Variants in CLNK observed in about 807,000 individuals in gnomAD.
CLNK encodes the protein cytokine dependent hematopoietic cell linker.
Under a neutral mutation model 68.6 loss-of-function variants are expected in CLNK, and 74 were observed. The ratio of observed to expected loss-of-function variants is 1.08; its 90% CI spans 0.89 to 1.31. The LOEUF is 1.31. CLNK is among the 50% of genes most tolerant of loss of function. CLNK has a pLI of 0.00. For synonymous variants in CLNK, 198 were observed against 172.2 expected, an observed-to-expected ratio of 1.15 and a Z score of -1.17; for missense variants, 553 against 515.3, an observed-to-expected ratio of 1.07 and a Z score of -0.71.
At chr4:10,626,430 C>A (rs1325030383) in intron 2 of CLNK, among the ~76,000 whole-genome samples, 1 of 152,202 alleles carries the variant, frequency 6.6e-6, no homozygotes, top group African/African-American at 2.4e-5. Flanking sequence ...CAAATTCTTT[C>A]TTTCCTGTAA....
At chr4:10,512,538 G>A (rs1413300400) in intron 16 of CLNK, among the ~76,000 whole-genome samples, 1 of 151,950 alleles carries the variant, frequency 6.6e-6, no homozygotes, top group Admixed American at 6.6e-5. Flanking sequence ...GCCAGGATGT[G>A]AAAATATTTT....
chr4:10,496,028 C>T (rs1352398028), intron 18 of CLNK, among the ~76,000 whole-genome samples: 1 of 152,174 alleles, frequency 6.6e-6, no homozygotes, highest in Non-Finnish European at 1.5e-5. Flanking sequence ...CACTGTGAAA[C>T]AAGAAATTTC....
chr4:10,511,823 G>A (rs903835272), intron 16 of CLNK, among the ~76,000 whole-genome samples: 1 of 152,098 alleles, frequency 6.6e-6, no homozygotes, highest in Non-Finnish European at 1.5e-5. Flanking sequence ...TTATGAACAT[G>A]GGTGTACAAA....
chr4:10,507,486 C>A (rs1717357083), intron 17 of CLNK, among the ~76,000 whole-genome samples: 1 of 146,420 alleles, frequency 6.8e-6, no homozygotes, highest in Non-Finnish European at 1.5e-5. Context: ...ATTTTTGAGA[C>A]AGCATCTCAC....
In CLNK at chr4:10,680,411, A is replaced by G. The variant is rs200904377; in HGVS notation, c.-43+4257T>C. On this transcript the variant is annotated intron_variant, in intron 1 of 18. Coordinates refer to ENST00000226951, the MANE Select transcript of CLNK (RefSeq NM_052964.4). ...AGGGATAGCATTAGGAGGTATACCT[A>G]ATGCTAAATGATGAGTTAATGGGTG... Among the ~76,000 whole-genome samples the G allele has an allele frequency of 1.1e-4, 16 of 151,262 alleles. No individual in the cohort carries two copies. In the East Asian group the frequency reaches 2.8e-3, roughly 26 times the overall value.
intron 3 of CLNK, among the ~76,000 whole-genome samples, chr4:10,589,545 G>A (rs1046234434): frequency 5.3e-4 from 78 of 146,316 alleles, no homozygotes; most frequent in African/African-American, 1.8e-3. Flanking sequence ...AGCAAAACAG[G>A]GAATGGTGTT....
At chr4:10,569,307 G>A (rs1720249813) in intron 5 of CLNK, among the ~76,000 whole-genome samples, 1 of 150,974 alleles carries the variant, frequency 6.6e-6, no homozygotes, top group South Asian at 2.1e-4. Flanking sequence ...TAGGATTAGT[G>A]TTCTTATAAG....
At chr4:10,723,636 G>C in the CLNK span, among the ~76,000 whole-genome samples, 1 of 152,070 alleles carries the variant, frequency 6.6e-6, no homozygotes. Flanking sequence ...ACTTCTTTGA[G>C]GCAGGGACTA....
the CLNK span, among the ~76,000 whole-genome samples, chr4:10,715,798 T>C: frequency 2.6e-5 from 4 of 152,352 alleles, no homozygotes; most frequent in African/African-American, 9.6e-5. Context: ...CTCAGCGCAC[T>C]ACTTCATCAG....
intron 12 of CLNK, among the ~76,000 whole-genome samples, chr4:10,530,074 C>G (rs1265457820): frequency 6.6e-6 from 1 of 151,128 alleles, no homozygotes; most frequent in Non-Finnish European, 1.5e-5. Flanking sequence ...TCATTCCTTC[C>G]TTCCGTATTC....
At chr4:10,603,199 A>T (rs932570307) in intron 2 of CLNK, among the ~76,000 whole-genome samples, 3 of 152,224 alleles carry the variant, frequency 2.0e-5, no homozygotes, top group African/African-American at 7.2e-5. Context: ...GTGAGCTTGC[A>T]GGCTGCTGAG....
chr4:10,729,090 A>T, the CLNK span, among the ~76,000 whole-genome samples: 1 of 152,156 alleles, frequency 6.6e-6, no homozygotes. Flanking sequence ...AATCCTTGTT[A>T]ATATCTCATA....
intron 17 of CLNK, among the ~76,000 whole-genome samples, chr4:10,503,791 T>C (rs1016725209): frequency 1.7e-4 from 22 of 130,342 alleles, no homozygotes; most frequent in Admixed American, 4.7e-4. Flanking sequence ...TTTTTTTTTT[T>C]TTTTTTTTTG....
At chr4:10,676,067 GTGTGTGTGTGTCTA>G (rs1724861769) in intron 1 of CLNK, among the ~76,000 whole-genome samples, 1 of 139,908 alleles carries the variant, frequency 7.1e-6, no homozygotes, top group South Asian at 2.2e-4. Flanking sequence ...GTGTGTGTGT[GTGTGTGTGTGTCTA>G]TGTGTGTGTG....
At chr4:10,726,146 C>T in the CLNK span, among the ~76,000 whole-genome samples, 1 of 152,174 alleles carries the variant, frequency 6.6e-6, no homozygotes, top group South Asian at 2.1e-4. Flanking sequence ...CACCCTAGAC[C>T]CCCACCTTTA....
chr4:10,545,843 C>T (rs1468741846), intron 8 of CLNK, among the ~76,000 whole-genome samples: 1 of 152,126 alleles, frequency 6.6e-6, no homozygotes, highest in African/African-American at 2.4e-5. Context: ...CAGATACTGC[C>T]AAGGTTTAAA....
chr4:10,724,390 CCTT>C, the CLNK span, among the ~76,000 whole-genome samples: 2 of 152,168 alleles, frequency 1.3e-5, no homozygotes, highest in South Asian at 4.1e-4. Context: ...GAATTTGAAT[CCTT>C]CTCATCCTTC....
At chr4:10,494,518 C>A (rs1716725283) in intron 18 of CLNK, among the ~76,000 whole-genome samples, 2 of 149,794 alleles carry the variant, frequency 1.3e-5, no homozygotes, top group African/African-American at 4.9e-5. Flanking sequence ...ATTGCAGTGG[C>A]ACAATCTTGG....
At chr4:10,541,217 AAAAAC>A (rs1400187943) in intron 10 of CLNK, among the ~76,000 whole-genome samples, 17 of 133,834 alleles carry the variant, frequency 1.3e-4, no homozygotes, top group African/African-American at 3.5e-4. Context: ...GTCTCAAAAA[AAAAAC>A]AAAAAAAAAA....
Sources: gnomAD v4.1 joint callset for allele counts (sites outside exome capture counted in the v4.1 genomes callset) on GRCh38, gnomAD v4.1.1 for gene constraint, MANE v1.5 for transcripts, NCBI Gene and HGNC (gene_info 2026-07-23, HGNC 2026-07-21) for gene names.